USP32: variants seen among roughly 807,000 people sequenced by gnomAD.
The protein encoded by USP32 is ubiquitin specific peptidase 32.
Under a neutral mutation model 204.8 loss-of-function variants are expected in USP32, and 59 were observed. That is an observed-to-expected ratio of 0.29 (90% CI 0.23 to 0.36). The LOEUF (loss-of-function observed/expected upper bound fraction) is 0.36, where lower values mean the gene tolerates loss of function less well. Ranked by LOEUF, USP32 falls within the 10% of genes least tolerant of loss-of-function variation. USP32 has a pLI of 1.00. For missense variants in USP32, 1,160 were observed against 1,946.4 expected (o/e 0.60, Z 7.60); for synonymous variants, 517 against 678.4 (o/e 0.76, Z 3.70).
chr17:60,257,614 T>C (rs1305413308), intron 9 of USP32, among the ~76,000 whole-genome samples: 1 of 152,008 alleles, frequency 6.6e-6, no homozygotes, highest in Non-Finnish European at 1.5e-5. Context: ...CTCAGCCTCC[T>C]GACTACAGGC....
chr17:60,198,880 G>C (rs1427946660), intron 26 of USP32, among the ~76,000 whole-genome samples: 1 of 152,212 alleles, frequency 6.6e-6, no homozygotes, highest in South Asian at 2.1e-4. Context: ...TTGGAAGGCT[G>C]AGGCAAGAGG....
At chr17:60,344,128 ATTTTTT>A (rs1223926673) in intron 2 of USP32, among the ~76,000 whole-genome samples, 1 of 131,192 alleles carries the variant, frequency 7.6e-6, no homozygotes, top group African/African-American at 3.0e-5. Context: ...TAAAATTCCT[ATTTTTT>A]TTTTTTTTTT....
Position 60,177,793 on chromosome 17 carries a change from C to T in USP32, c.*1462G>A, listed in dbSNP as rs1248647120. On this transcript the variant is annotated 3_prime_UTR_variant, in exon 34 of 34. Transcript: ENST00000300896. ...AGAACTAGATATTAATAGTTACTGGCCTCAGATATCAGAACACAAATACTT... is the reference window on the plus strand; with the variant it reads ...AGAACTAGATATTAATAGTTACTGGTCTCAGATATCAGAACACAAATACTT... Among the ~76,000 whole-genome samples, 2 of 152,084 alleles carry T rather than the reference C, an allele frequency of 1.3e-5. No individual in the cohort carries two copies. The highest frequency in any genetic ancestry group is 2.9e-5 in the Non-Finnish European group (2 of 68,020).
chr17:60,205,855 A>C (rs1206341436), intron 25 of USP32, among the ~76,000 whole-genome samples, 197 bp from the exon 26 acceptor site: 2 of 152,186 alleles, frequency 1.3e-5, no homozygotes, highest in Non-Finnish European at 2.9e-5. Context: ...CTTTTGGCCA[A>C]ATGAAAAGGA....
intron 1 of USP32, among the ~76,000 whole-genome samples, chr17:60,404,118 C>G (rs2143031452): frequency 6.6e-6 from 1 of 152,056 alleles, no homozygotes; most frequent in Middle Eastern, 3.4e-3. Flanking sequence ...GGATTACTTC[C>G]CATCCCTTGA....
intron 1 of USP32, among the ~76,000 whole-genome samples, chr17:60,378,207 A>G (rs1361941141): frequency 6.6e-6 from 1 of 152,204 alleles, no homozygotes; most frequent in African/African-American, 2.4e-5. Flanking sequence ...GCTCATTAGC[A>G]CTAGCCATTA....
intron 5 of USP32, 81 bp from the exon 6 acceptor site, chr17:60,271,562 C>G: frequency 4.5e-6 from 6 of 1,343,332 alleles, no homozygotes; most frequent in Non-Finnish European, 6.0e-6. Flanking sequence ...ATATATCTTC[C>G]ACAGATATAT....
upstream of USP32, among the ~76,000 whole-genome samples, chr17:60,393,661 G>C (rs1218957085): frequency 6.6e-6 from 1 of 151,678 alleles, no homozygotes; most frequent in African/African-American, 2.4e-5. Context: ...CCCTGCTAGA[G>C]AAAGAAGGTA....
At chr17:60,363,181 G>A (rs559078856) in intron 1 of USP32, among the ~76,000 whole-genome samples, 12 of 151,586 alleles carry the variant, frequency 7.9e-5, no homozygotes, top group East Asian at 3.9e-4. Flanking sequence ...GAGGCCAGGC[G>A]CGGTGGCTCA....
chr17:60,365,731 T>A (rs78898529), intron 1 of USP32, among the ~76,000 whole-genome samples: 9,139 of 152,148 alleles, frequency 0.06, 353 homozygotes, highest in East Asian at 0.11. Context: ...AAAGAATGCA[T>A]TAAGATAAAC....
At chr17:60,223,003 G>A (rs2085295121) in intron 14 of USP32, among the ~76,000 whole-genome samples, 1 of 152,070 alleles carries the variant, frequency 6.6e-6, no homozygotes, top group African/African-American at 2.4e-5. Flanking sequence ...TTTTTAATGA[G>A]AGATTTTTAT....
chr17:60,198,171 G>T, intron 27 of USP32, 89 bp downstream of exon 27: 1 of 1,505,290 alleles, frequency 6.6e-7, no homozygotes, highest in Admixed American at 2.1e-5. Context: ...ACTTGACATA[G>T]GCTGGGTCCT....
chr17:60,249,778 G>C (rs1159102270), intron 11 of USP32: 1 of 698,824 alleles, frequency 1.4e-6, no homozygotes, highest in East Asian at 2.7e-5. Flanking sequence ...TGACAATTTT[G>C]TTCAGTTTTT....
intron 5 of USP32, among the ~76,000 whole-genome samples, chr17:60,275,097 T>A (rs1284708592): frequency 6.6e-6 from 1 of 152,234 alleles, no homozygotes; most frequent in African/African-American, 2.4e-5. Flanking sequence ...TGTTCCCTGT[T>A]ACAGTCTAAC....
At chr17:60,267,234 C>T (rs1040543848) in intron 7 of USP32, among the ~76,000 whole-genome samples, 2 of 151,878 alleles carry the variant, frequency 1.3e-5, no homozygotes, top group Admixed American at 6.5e-5. Flanking sequence ...GGTGAAATCC[C>T]GTCGCTACTA....
intron 1 of USP32, among the ~76,000 whole-genome samples, chr17:60,371,785 G>A (rs1157785976): frequency 6.6e-6 from 1 of 152,158 alleles, no homozygotes; most frequent in Non-Finnish European, 1.5e-5. Flanking sequence ...GACATTAGAA[G>A]AATAAACTGC....
chr17:60,301,165 T>C (rs961821056), intron 3 of USP32, among the ~76,000 whole-genome samples: 3 of 152,220 alleles, frequency 2.0e-5, no homozygotes, highest in African/African-American at 7.2e-5. Flanking sequence ...TACAAGTTTT[T>C]TTGTGTGTGT....
chr17:60,294,037 GAA>G (rs1429363143), intron 4 of USP32, among the ~76,000 whole-genome samples: 1 of 152,132 alleles, frequency 6.6e-6, no homozygotes, highest in Non-Finnish European at 1.5e-5. Flanking sequence ...AAGACACAAT[GAA>G]AATATATTAT....
intron 1 of USP32, among the ~76,000 whole-genome samples, chr17:60,412,571 T>C (rs1423195348): frequency 4.0e-5 from 6 of 151,796 alleles, no homozygotes; most frequent in Non-Finnish European, 8.8e-5. Context: ...CCAGACCCTC[T>C]TGGGACATTC....
Sources: gnomAD v4.1 joint callset for allele counts (sites outside exome capture counted in the v4.1 genomes callset) on GRCh38, gnomAD v4.1.1 for gene constraint, MANE v1.5 for transcripts, NCBI Gene and HGNC (gene_info 2026-07-23, HGNC 2026-07-21) for gene names.